PTPDC1: variants seen among roughly 807,000 people sequenced by gnomAD.
PTPDC1 encodes the protein protein tyrosine phosphatase domain-containing protein 1.
Under a neutral mutation model 75.3 loss-of-function variants are expected in PTPDC1, and 53 were observed. The observed-to-expected ratio is 0.70, with a 90% CI of 0.56 to 0.88. The LOEUF (loss-of-function observed/expected upper bound fraction) is 0.88. PTPDC1 is among the 40% of genes least tolerant of loss of function. PTPDC1 has a pLI of 0.00. For missense variants in PTPDC1, 925 were observed against 998.6 expected, an observed-to-expected ratio of 0.93 and a Z score of 0.99; for synonymous variants, 349 against 366.2, an observed-to-expected ratio of 0.95 and a Z score of 0.54.
At chr9:94,095,567 AG>A in intron 5 of PTPDC1, 113 bp downstream of exon 5, 1 of 795,344 alleles carries the variant, frequency 1.3e-6, no homozygotes, top group South Asian at 1.8e-5. Flanking sequence ...CTTTGGAGTC[AG>A]GTGGAAGAAG....
At chr9:94,039,480 G>A (rs1825367869) in intron 1 of PTPDC1, among the ~76,000 whole-genome samples, 1 of 152,084 alleles carries the variant, frequency 6.6e-6, no homozygotes, top group Non-Finnish European at 1.5e-5. Flanking sequence ...GTAAAACATT[G>A]ACTATGAAAA....
chr9:94,067,254 G>A (rs1826338817), intron 2 of PTPDC1, among the ~76,000 whole-genome samples: 1 of 152,000 alleles, frequency 6.6e-6, no homozygotes, highest in Non-Finnish European at 1.5e-5. Flanking sequence ...GCCGAGCATG[G>A]TGGCGTATGC....
chr9:94,067,167 A>T (rs1315806724), intron 2 of PTPDC1, among the ~76,000 whole-genome samples: 1 of 152,072 alleles, frequency 6.6e-6, no homozygotes, highest in Non-Finnish European at 1.5e-5. Context: ...AGGTGGGTGG[A>T]TCATAAGATC....
intron 7 of PTPDC1, 143 bp from the exon 8 acceptor site, chr9:94,104,132 T>A: frequency 1.8e-6 from 1 of 549,736 alleles, no homozygotes; most frequent in Non-Finnish European, 3.3e-6. Context: ...TTTGTTGATG[T>A]TTAGATATTT....
chr9:94,100,454 T>C (rs1367389530), intron 6 of PTPDC1: 2 of 152,210 alleles, frequency 1.3e-5, no homozygotes, highest in Non-Finnish European at 2.9e-5. Flanking sequence ...TAACAAAGTA[T>C]TGGTGTATTC....
intron 1 of PTPDC1, among the ~76,000 whole-genome samples, chr9:94,057,892 G>T (rs1223509144): frequency 6.6e-6 from 1 of 152,128 alleles, no homozygotes; most frequent in Non-Finnish European, 1.5e-5. Flanking sequence ...TTCCAACCAA[G>T]ATGAAATAAG....
intron 1 of PTPDC1, among the ~76,000 whole-genome samples, chr9:94,063,063 AGAGT>A (rs1028180012): frequency 3.3e-5 from 5 of 152,222 alleles, no homozygotes; most frequent in African/African-American, 1.2e-4. Context: ...TGAAGAGCAA[AGAGT>A]GAGGGCAGGG....
chr9:94,034,788 A>G (rs1825209622), intron 1 of PTPDC1, among the ~76,000 whole-genome samples: 1 of 152,108 alleles, frequency 6.6e-6, no homozygotes, highest in Admixed American at 6.6e-5. Context: ...GCCCCCAATA[A>G]TCTTTCTCAG....
At chr9:94,078,333 C>A (rs940726549) in intron 2 of PTPDC1, among the ~76,000 whole-genome samples, 1 of 152,132 alleles carries the variant, frequency 6.6e-6, no homozygotes, top group African/African-American at 2.4e-5. Context: ...TATGTCGTTC[C>A]TCTACTTTCT....
At chr9:94,101,457 C>A in intron 6 of PTPDC1, 109 bp from the exon 7 acceptor site, 1 of 770,804 alleles carries the variant, frequency 1.3e-6, no homozygotes. Flanking sequence ...GAGCCTGAGT[C>A]TTTCACTCTT....
chr9:94,049,280 C>T (rs531354976), intron 1 of PTPDC1, among the ~76,000 whole-genome samples: 2 of 152,192 alleles, frequency 1.3e-5, no homozygotes, highest in South Asian at 2.1e-4. Flanking sequence ...TTATTTTGCT[C>T]GTTAGTTGAT....
chr9:94,077,780 G>A (rs1221411257), intron 2 of PTPDC1, among the ~76,000 whole-genome samples: 4 of 152,178 alleles, frequency 2.6e-5, no homozygotes. Flanking sequence ...CCAGAAGCTG[G>A]ATTTGGTGCT....
At chr9:94,082,293 G>A (rs951444062), upstream of PTPDC1, among the ~76,000 whole-genome samples, 3 of 152,190 alleles carry the variant, frequency 2.0e-5, no homozygotes, top group Non-Finnish European at 4.4e-5. Context: ...GGCCTCCCAC[G>A]CCCACCAGGC....
intron 1 of PTPDC1, among the ~76,000 whole-genome samples, chr9:94,051,543 T>G (rs897114877): frequency 6.6e-6 from 1 of 152,246 alleles, no homozygotes; most frequent in Admixed American, 6.5e-5. Flanking sequence ...TATTATTTCT[T>G]CCTTAAATGT....
At chr9:94,067,081 G>A (rs562095351) in intron 2 of PTPDC1, among the ~76,000 whole-genome samples, 2 of 152,048 alleles carry the variant, frequency 1.3e-5, no homozygotes, top group Admixed American at 6.6e-5. Flanking sequence ...AAGGCATCGC[G>A]TCATTTTGTT....
intron 8 of PTPDC1, among the ~76,000 whole-genome samples, chr9:94,106,520 G>C (rs1232616176): frequency 3.3e-5 from 5 of 152,148 alleles, no homozygotes; most frequent in African/African-American, 2.4e-5. Flanking sequence ...TGAGACTTGA[G>C]AGACAAGGAG....
intron 1 of PTPDC1, among the ~76,000 whole-genome samples, chr9:94,042,051 G>A (rs1441899148): frequency 1.3e-5 from 2 of 152,110 alleles, no homozygotes; most frequent in Non-Finnish European, 2.9e-5. Context: ...ATCTAACTGA[G>A]AACTACACAG....
At chr9:94,036,520 G>A (rs1430386361) in intron 1 of PTPDC1, among the ~76,000 whole-genome samples, 1 of 152,018 alleles carries the variant, frequency 6.6e-6, no homozygotes, top group African/African-American at 2.4e-5. Context: ...GGTTTATTTA[G>A]ATTAATTTTT....
chr9:94,039,337 A>G (rs911709550), intron 1 of PTPDC1, among the ~76,000 whole-genome samples: 2 of 152,202 alleles, frequency 1.3e-5, no homozygotes, highest in Non-Finnish European at 2.9e-5. Flanking sequence ...TTAAATAAAT[A>G]TATACTAGAT....
Sources: gnomAD v4.1 joint callset for allele counts (sites outside exome capture counted in the v4.1 genomes callset) on GRCh38, gnomAD v4.1.1 for gene constraint, MANE v1.5 for transcripts, NCBI Gene and HGNC (gene_info 2026-07-23, HGNC 2026-07-21) for gene names.